Variants in CEP164 observed in about 807,000 individuals in gnomAD.
CEP164 encodes the protein centrosomal protein 164.
Under a neutral mutation model 182.7 loss-of-function variants are expected in CEP164, and 162 were observed. That is an observed-to-expected ratio of 0.89 (90% confidence interval 0.78 to 1.01). CEP164 has a LOEUF of 1.01. Among genes scored for constraint, CEP164 ranks in the 50% least tolerant of loss-of-function variants. The pLI, the probability that CEP164 is intolerant of heterozygous loss-of-function variation, is 0.00. For missense variants in CEP164, 1,735 were observed against 1,790.4 expected (o/e 0.97, Z 0.56); for synonymous variants, 661 against 690.0 (o/e 0.96, Z 0.66).
At chr11:117,370,702 G>A (rs939074100) in intron 8 of CEP164, among the ~76,000 whole-genome samples, 3 of 152,160 alleles carry the variant, frequency 2.0e-5, no homozygotes, top group Non-Finnish European at 4.4e-5. Context: ...CTTGAGGCCA[G>A]GAGTTTGAGA....
intron 4 of CEP164, among the ~76,000 whole-genome samples, chr11:117,349,260 C>A (rs1337495864): frequency 6.6e-6 from 1 of 152,092 alleles, no homozygotes; most frequent in East Asian, 1.9e-4. Context: ...CGACCTCTGC[C>A]TCCCAAAGTA....
At chr11:117,386,284 C>T (rs1385152122) in intron 14 of CEP164, 3 of 152,196 alleles carry the variant, frequency 2.0e-5, no homozygotes, top group African/African-American at 7.2e-5. Context: ...AATGCTTTAT[C>T]CTGCTCATGG....
intron 4 of CEP164, among the ~76,000 whole-genome samples, chr11:117,348,257 C>T (rs1478084178): frequency 6.6e-6 from 1 of 152,014 alleles, no homozygotes; most frequent in African/African-American, 2.4e-5. Context: ...CAGGCATGAG[C>T]CACAGCGCCC....
chr11:117,337,347 A>T (rs2037325800), intron 2 of CEP164, among the ~76,000 whole-genome samples: 1 of 151,764 alleles, frequency 6.6e-6, no homozygotes, highest in Non-Finnish European at 1.5e-5. Context: ...ATTTAACCTT[A>T]ATGACCTCAT....
upstream of CEP164, among the ~76,000 whole-genome samples, chr11:117,326,295 C>G (rs1330766299): frequency 6.6e-6 from 1 of 152,002 alleles, no homozygotes; most frequent in Non-Finnish European, 1.5e-5. Flanking sequence ...GTGGCTTGAT[C>G]TGGGCTCATT....
chr11:117,323,803 G>A (rs950742479), upstream of CEP164: 3 of 357,136 alleles, frequency 8.4e-6, no homozygotes, highest in African/African-American at 6.4e-5. Context: ...GAATAAGGTG[G>A]TATCTCATTG....
intron 5 of CEP164, chr11:117,355,153 A>G (rs567297426): frequency 3.1e-6 from 4 of 1,289,810 alleles, no homozygotes; most frequent in African/African-American, 3.0e-5. Context: ...CCAAAGGCCA[A>G]CCTTCCCAAA....
intron 4 of CEP164, among the ~76,000 whole-genome samples, chr11:117,345,365 T>G (rs1691839724): frequency 6.6e-6 from 1 of 152,158 alleles, no homozygotes. Flanking sequence ...GTCTACTCTG[T>G]CCTCCTGTCT....
At chr11:117,323,179 G>T (rs1335589945), upstream of CEP164, among the ~76,000 whole-genome samples, 2 of 152,102 alleles carry the variant, frequency 1.3e-5, no homozygotes, top group Non-Finnish European at 2.9e-5. Flanking sequence ...GGGATTACAG[G>T]TATGAGCCAC....
chr11:117,345,962 C>T (rs2038833892), intron 4 of CEP164, among the ~76,000 whole-genome samples: 1 of 152,236 alleles, frequency 6.6e-6, no homozygotes, highest in Non-Finnish European at 1.5e-5. Flanking sequence ...TCTGGCATTA[C>T]AGGCGTGAGA....
chr11:117,411,681 C>T lies in CEP164; in HGVS notation c.4164-114C>T. 1.4e-6 allele frequency: 2 copies of T among 1,444,704 alleles called. No homozygotes were observed. Among genetic ancestry groups the T allele is most frequent in the Non-Finnish European group, 1.9e-6 (2 of 1,057,188 alleles). The allele number at this position is 1,444,704 out of a possible 1,614,324, so 89.5% of individuals were successfully genotyped here. Reference sequence around the variant, plus strand: ...ATTGCTAGGGACCTCGGAGAAGCTGCTCTGGTAGCTGAGAGAAAGAGGGAG... The same window carrying T: ...ATTGCTAGGGACCTCGGAGAAGCTGTTCTGGTAGCTGAGAGAAAGAGGGAG... On this transcript the variant is annotated intron_variant, in intron 31 of 32. Coordinates refer to ENST00000278935, the MANE Select transcript of CEP164 (RefSeq NM_014956.5). This position sits in a 1 kb window ranked among gnomAD's most constrained non-coding sequence, Gnocchi z 4.4.
At chr11:117,354,171 C>T (rs553506) in intron 5 of CEP164, among the ~76,000 whole-genome samples, 32,801 of 151,700 alleles carry the variant, frequency 0.22, 3,676 homozygotes, top group African/African-American at 0.27. Context: ...CGCCCACCAC[C>T]GTGCCCGGCT....
rs552050921 is a variant in CEP164, at chr11:117,411,512, C to T, written c.4164-283C>T. ...CAAGGATTGAGTTGACAGAGGGGAG[C>T]GCTTTGCTGATGAGATTGGCGGGAG... On this transcript the variant is annotated intron_variant, in intron 31 of 32. Transcript: ENST00000278935. This position sits in a 1 kb window ranked among gnomAD's most constrained non-coding sequence, Gnocchi z 4.4. 36 of 384,950 alleles carry T rather than the reference C, an allele frequency of 9.4e-5. No homozygotes were observed. The East Asian group carries it at 1.7e-3, about 18-fold the overall frequency. The allele number at this position is 384,950 out of a possible 1,614,324, so 23.8% of individuals were successfully genotyped here. A position where few individuals can be genotyped will look rare whatever the true frequency, so the allele number is the denominator to read the frequency against.
chr11:117,329,326 C>T (rs905319495), intron 1 of CEP164, among the ~76,000 whole-genome samples: 1 of 152,070 alleles, frequency 6.6e-6, no homozygotes, highest in African/African-American at 2.4e-5. Flanking sequence ...CTGTGATGGC[C>T]CCTCATCATT....
intron 4 of CEP164, among the ~76,000 whole-genome samples, chr11:117,348,288 T>TA (rs1414975299): frequency 5.9e-5 from 9 of 152,118 alleles, no homozygotes; most frequent in Non-Finnish European, 1.0e-4. Context: ...TATTATCAAT[T>TA]AAAAAATTGT....
At chr11:117,363,333 C>A in intron 7 of CEP164, 96 bp from the exon 8 acceptor site, 2 of 825,996 alleles carry the variant, frequency 2.4e-6, no homozygotes, top group Non-Finnish European at 4.0e-6. Context: ...GCCCGCCTGT[C>A]AGCTCAGCAG....
chr11:117,393,011 G>A lies in CEP164; in HGVS notation c.2501G>A (p.Ser834Asn). Residue 834 changes from serine (S) to asparagine (N), a missense_variant, in exon 20 of 33, where the codon AGT becomes AAT. Coordinates refer to ENST00000278935, the MANE Select transcript of CEP164 (RefSeq NM_014956.5). ...CTGCCATCTCCCCTGCAGCTCAGCA[G>A]TCTCCTGCGAGAGAAGCGCCAGGAA... ...HVAGYEHELS[S>N]LLREKRQEVE... is the part of the protein sequence containing the mutation. The A allele has an allele frequency of 1.2e-6, 2 of 1,613,330 alleles. No individual in the cohort carries two copies. The highest frequency in any genetic ancestry group is 1.7e-6 in the Non-Finnish European group (2 of 1,179,792).
intron 9 of CEP164, 62 bp downstream of exon 9, chr11:117,371,528 T>C: frequency 6.6e-7 from 1 of 1,524,548 alleles, no homozygotes; most frequent in South Asian, 1.3e-5. Context: ...TGTTCAGCCC[T>C]GGGCAGGGTC....
chr11:117,330,524 C>T (rs1466693715), intron 1 of CEP164, among the ~76,000 whole-genome samples: 1 of 152,208 alleles, frequency 6.6e-6, no homozygotes, highest in African/African-American at 2.4e-5. Context: ...TGGCAGGCGC[C>T]TGTAATCCTA....
Sources: gnomAD v4.1 joint callset for allele counts (sites outside exome capture counted in the v4.1 genomes callset) on GRCh38, gnomAD v4.1.1 for gene constraint, Gnocchi (gnomAD v3.1) non-coding constraint, MANE v1.5 for transcripts, NCBI Gene and HGNC (gene_info 2026-07-23, HGNC 2026-07-21) for gene names.